The following NEK10 variants were observed in gnomAD, a reference collection of about 807,000 sequenced individuals.
NEK10 encodes serine/threonine-protein kinase Nek10.
A neutral mutation model predicts 159.8 loss-of-function variants in NEK10; 122 were observed. That is an observed-to-expected ratio of 0.76 (90% CI 0.66 to 0.89). NEK10 has a LOEUF of 0.89. Ranked by LOEUF, NEK10 falls within the 40% of genes least tolerant of loss-of-function variation. The pLI is 0.00. For missense variants in NEK10, 1,342 were observed against 1,323.1 expected (o/e 1.01, Z -0.22); for synonymous variants, 466 against 457.1 (o/e 1.02, Z -0.25).
intron 23 of NEK10, among the ~76,000 whole-genome samples, chr3:27,253,394 A>C (rs774559354): frequency 2.0e-5 from 3 of 152,230 alleles, no homozygotes; most frequent in Non-Finnish European, 4.4e-5. Context: ...TTGGAGGAAG[A>C]CATAGAGATA....
At chr3:27,198,996 C>T (rs952349484) in intron 25 of NEK10, among the ~76,000 whole-genome samples, 1 of 150,116 alleles carries the variant, frequency 6.7e-6, no homozygotes, top group African/African-American at 2.4e-5. Context: ...TCGCTTGAAC[C>T]TGGGAGGTGG....
rs915498452 is a variant in NEK10 at position 27,287,584 on chromosome 3, CA to C, written c.1789+113del. Reference sequence around the variant, plus strand: ...TTAAGACCATCTACTGTCATATTAACAAAAAAAGGTCAATAAAATAGTTGAT... The same window carrying C: ...TTAAGACCATCTACTGTCATATTAACAAAAAAGGTCAATAAAATAGTTGAT... On this transcript the variant is annotated intron_variant, in intron 20 of 35. Coordinates refer to ENST00000691995, the MANE Select transcript of NEK10 (RefSeq NM_001394966.1). The C allele has an allele frequency of 5.7e-5, 65 of 1,147,668 alleles. No homozygotes were observed. The African/African-American group carries it at 7.0e-4, about 12-fold the overall frequency. The allele number at this position is 1,147,668 out of a possible 1,614,324, so 71.1% of individuals were successfully genotyped here.
At chr3:27,329,522 T>C (rs1237324738) in intron 5 of NEK10, among the ~76,000 whole-genome samples, 2 of 152,176 alleles carry the variant, frequency 1.3e-5, no homozygotes, top group African/African-American at 4.8e-5. Flanking sequence ...GAAACTGTCA[T>C]TTATTGATTT....
At position 27,256,331 on chromosome 3, in the gene NEK10, TTTAC is replaced by T; in HGVS notation, c.2051_2054del (p.Ser684AsnfsTer17). ...GGATTGTTCCAACCACAGAGGTGAG[TTTAC>T]TGTTTTCTTGTTTTTGCTTTGCCAG... On this transcript the variant is annotated frameshift_variant, in exon 23 of 36. Coordinates refer to ENST00000691995, the MANE Select transcript of NEK10 (RefSeq NM_001394966.1). LOFTEE classifies it high-confidence loss of function. The T allele has an allele frequency of 6.4e-7, 1 of 1,573,158 alleles. No individual in the cohort carries two copies. The highest frequency in any genetic ancestry group is 8.6e-7 in the Non-Finnish European group (1 of 1,162,754).
intron 13 of NEK10, among the ~76,000 whole-genome samples, chr3:27,300,037 G>A (rs982634135): frequency 2.0e-5 from 3 of 152,140 alleles, no homozygotes; most frequent in African/African-American, 7.2e-5. Context: ...TGTTGGGAAG[G>A]CATGACTGGT....
In NEK10 at chr3:27,199,762, G is replaced by C. The variant is rs183981733; in HGVS notation, c.2291+1748C>G. On this transcript the variant is annotated intron_variant, in intron 25 of 35. Transcript: ENST00000691995. ...AGAAAATATGGTATATACACACCAT[G>C]GAATACTATGTAGCCATAAAAAGCA... Among the ~76,000 whole-genome samples the C allele has an allele frequency of 5.6e-3, 846 of 152,282 alleles. 12 individuals carry two copies. Among genetic ancestry groups the C allele is most frequent in the African/African-American group, 0.02 (811 of 41,552 alleles).
At chr3:27,163,839 T>C (rs1435898545) in intron 29 of NEK10, among the ~76,000 whole-genome samples, 5 of 152,208 alleles carry the variant, frequency 3.3e-5, no homozygotes, top group Non-Finnish European at 7.3e-5. Context: ...CAAGTAAACA[T>C]GGCTGATAAT....
At chr3:27,222,545 T>C (rs1189293007) in intron 23 of NEK10, among the ~76,000 whole-genome samples, 1 of 152,222 alleles carries the variant, frequency 6.6e-6, no homozygotes, top group Non-Finnish European at 1.5e-5. Flanking sequence ...TGAAATTATA[T>C]GTGATTGTGA....
intron 22 of NEK10, among the ~76,000 whole-genome samples, chr3:27,273,800 G>T (rs1689041236): frequency 6.6e-6 from 1 of 152,104 alleles, no homozygotes; most frequent in Non-Finnish European, 1.5e-5. Context: ...TCAGTAAATG[G>T]AATGGCTAAC....
chr3:27,223,144 C>T (rs541267825), intron 23 of NEK10, among the ~76,000 whole-genome samples: 1 of 152,234 alleles, frequency 6.6e-6, no homozygotes, highest in South Asian at 2.1e-4. Flanking sequence ...TAGAAGAAGC[C>T]ATAACAAAGG....
chr3:27,310,280 T>A (rs528651079), intron 9 of NEK10: 2 of 152,320 alleles, frequency 1.3e-5, no homozygotes, highest in South Asian at 2.1e-4. Flanking sequence ...CTCAAAAAAA[T>A]TTTTTCCAAT....
intron 30 of NEK10, chr3:27,162,451 T>A: frequency 6.2e-7 from 1 of 1,613,666 alleles, no homozygotes; most frequent in Non-Finnish European, 8.5e-7. Flanking sequence ...TGTGATCTAG[T>A]AAGTACTACC....
intron 22 of NEK10, among the ~76,000 whole-genome samples, chr3:27,264,934 AAAT>A (rs869107873): frequency 1.3e-5 from 2 of 148,712 alleles, no homozygotes; most frequent in Non-Finnish European, 3.0e-5. Context: ...ATAAATAAAT[AAAT>A]AATAATTTTA....
rs1461308598 is a variant in NEK10 at position 27,204,291 on chromosome 3, TTTTG to T, written c.2091-1738_2091-1735del. Reference sequence around the variant, plus strand: ...ATAAATTTTCTTTTTTTTTTTTTTTTTTTGTTGTTGTTTTTTTTTTTTTTTTTTT... The same window carrying T: ...ATAAATTTTCTTTTTTTTTTTTTTTTTTGTTGTTTTTTTTTTTTTTTTTTT... On this transcript the variant is annotated intron_variant, in intron 23 of 35. Coordinates refer to ENST00000691995, the MANE Select transcript of NEK10 (RefSeq NM_001394966.1). Among the ~76,000 whole-genome samples, 119 of 111,098 alleles carry T rather than the reference TTTTG, an allele frequency of 1.1e-3. 1 individual carries two copies. The highest frequency in any genetic ancestry group is 4.7e-3 in the African/African-American group (115 of 24,474). The allele number at this position is 111,098 out of a possible 152,430, so 72.9% of individuals were successfully genotyped here.
At chr3:27,368,897 G>A (rs1413001232) in intron 1 of NEK10, 3 of 152,310 alleles carry the variant, frequency 2.0e-5, no homozygotes, top group African/African-American at 7.2e-5. Context: ...TGAACCTCCA[G>A]AGGCGTCGGA....
At chr3:27,359,361 A>G (rs2149865042) in intron 1 of NEK10, among the ~76,000 whole-genome samples, 1 of 152,340 alleles carries the variant, frequency 6.6e-6, no homozygotes, top group Middle Eastern at 3.4e-3. Context: ...AGGAAGTTAG[A>G]ACTTCCTGTA....
At chr3:27,165,588 A>C (rs995580599) in intron 29 of NEK10, among the ~76,000 whole-genome samples, 1 of 152,224 alleles carries the variant, frequency 6.6e-6, no homozygotes, top group Non-Finnish European at 1.5e-5. Flanking sequence ...GACCAACAGC[A>C]CTTCAGGCCA....
intron 23 of NEK10, chr3:27,252,206 TA>T: frequency 2.0e-6 from 1 of 505,216 alleles, no homozygotes; most frequent in Non-Finnish European, 3.9e-6. Context: ...AAGTACAACA[TA>T]AGGTCAGGTA....
intron 23 of NEK10, among the ~76,000 whole-genome samples, chr3:27,208,130 C>G (rs1367737169): frequency 6.6e-6 from 1 of 151,804 alleles, no homozygotes; most frequent in Non-Finnish European, 1.5e-5. Context: ...TAAACCGTTG[C>G]CGAGAAATGG....
Sources: gnomAD v4.1 joint callset for allele counts (sites outside exome capture counted in the v4.1 genomes callset) on GRCh38, gnomAD v4.1.1 for gene constraint, MANE v1.5 for transcripts, NCBI Gene and HGNC (gene_info 2026-07-23, HGNC 2026-07-21) for gene names.